AK9: variants seen among roughly 807,000 people sequenced by gnomAD.
AK9 encodes the protein adenylate kinase domain containing 1.
AK9 carries 191 observed loss-of-function variants against 239.6 expected under a neutral mutation model. The observed-to-expected ratio is 0.80, with a 90% confidence interval of 0.71 to 0.90. AK9 has a LOEUF of 0.90. AK9 is among the 40% of genes least tolerant of loss of function. The probability of loss-of-function intolerance (pLI) is 0.00; values close to 1 mark genes in which losing one functional copy is unlikely to be tolerated. For missense variants in AK9, 1,995 were observed against 2,214.7 expected (o/e 0.90, Z 1.99); for synonymous variants, 689 against 721.0 (o/e 0.96, Z 0.71).
chr6:109,520,467 CAT>C (rs1779731252), intron 29 of AK9, among the ~76,000 whole-genome samples: 1 of 151,860 alleles, frequency 6.6e-6, no homozygotes, highest in Non-Finnish European at 1.5e-5. Context: ...TATTCTGTTC[CAT>C]TGGTCTATGT....
intron 1 of AK9, among the ~76,000 whole-genome samples, chr6:109,690,889 C>T (rs1397684758): frequency 6.6e-6 from 1 of 152,124 alleles, no homozygotes; most frequent in East Asian, 1.9e-4. Context: ...TTGGGCCACA[C>T]AGCGTAGGTA....
At position 109,632,062 on chromosome 6, in the gene AK9, C is replaced by A. The variant is rs931850694; in HGVS notation, c.1254+861G>T. On this transcript the variant is annotated intron_variant, in intron 12 of 40. Coordinates refer to ENST00000424296, the MANE Select transcript of AK9 (RefSeq NM_001145128.3). ...GGTATTGAGAAGAAACATGAGAGGG[C>A]GTCTGGGTGCTGGCAACATTCCAGA... 10 of 691,194 alleles carry A rather than the reference C, an allele frequency of 1.4e-5. No homozygotes were observed. In the African/African-American group the frequency reaches 2.0e-4, roughly 14 times the overall value. The allele number at this position is 691,194 out of a possible 1,614,324, so 42.8% of individuals were successfully genotyped here.
At chr6:109,626,702 A>AC (rs754146400) in intron 12 of AK9, among the ~76,000 whole-genome samples, 11 of 152,218 alleles carry the variant, frequency 7.2e-5, no homozygotes, top group South Asian at 2.1e-4. Context: ...ACACAATGTT[A>AC]AGGATTTGTA....
chr6:109,682,104 A>G (rs1772727578), intron 1 of AK9, among the ~76,000 whole-genome samples: 1 of 152,160 alleles, frequency 6.6e-6, no homozygotes, highest in African/African-American at 2.4e-5. Flanking sequence ...GAACTGAAAG[A>G]GATAGAGACA....
At chr6:109,551,045 AAAAT>A (rs1472893402) in intron 24 of AK9, among the ~76,000 whole-genome samples, 1 of 152,166 alleles carries the variant, frequency 6.6e-6, no homozygotes, top group Non-Finnish European at 1.5e-5. Context: ...TATGCCTATA[AAAAT>A]AGATATATAT....
At chr6:109,509,498 TCC>T in intron 32 of AK9, 118 bp from the exon 33 acceptor site, 1 of 887,392 alleles carries the variant, frequency 1.1e-6, no homozygotes, top group Non-Finnish European at 1.7e-6. Flanking sequence ...AATGATCCTG[TCC>T]CCCAAGTAGC....
At chr6:109,566,223 G>C (rs1172076994) in intron 21 of AK9, among the ~76,000 whole-genome samples, 1 of 152,136 alleles carries the variant, frequency 6.6e-6, no homozygotes, top group Non-Finnish European at 1.5e-5. Flanking sequence ...AGAAGTCTAA[G>C]TGAAAAGTAC....
chr6:109,588,621 C>A (rs958409941), intron 17 of AK9, among the ~76,000 whole-genome samples: 4 of 152,082 alleles, frequency 2.6e-5, no homozygotes, highest in Non-Finnish European at 4.4e-5. Flanking sequence ...TTTGTTTTTG[C>A]TGCATTTCCT....
intron 8 of AK9, among the ~76,000 whole-genome samples, chr6:109,651,527 A>T (rs2128304099): frequency 6.6e-6 from 1 of 152,348 alleles, no homozygotes. Context: ...GCAAGAGCAA[A>T]CAAATTCAAA....
At chr6:109,594,013 A>C (rs1045844199) in intron 17 of AK9, among the ~76,000 whole-genome samples, 1 of 152,228 alleles carries the variant, frequency 6.6e-6, no homozygotes, top group African/African-American at 2.4e-5. Context: ...AGTTCTGGCC[A>C]GGAAAATCAG....
At position 109,631,632 on chromosome 6, in the gene AK9, C is replaced by A. The variant is rs565525423; in HGVS notation, c.1254+1291G>T. ...GGAAAACAATTTGGCATTATCTACA[C>A]AAGTTGAACATATGTCCATGTGTGC... is the stretch of plus-strand genomic sequence containing the variant. On this transcript the variant is annotated intron_variant, in intron 12 of 40. Coordinates refer to ENST00000424296, the MANE Select transcript of AK9 (RefSeq NM_001145128.3). 9 of 152,248 alleles carry A rather than the reference C, an allele frequency of 5.9e-5. No homozygotes were observed. In the East Asian group the frequency reaches 1.7e-3, roughly 29 times the overall value. The allele number at this position is 152,248 out of a possible 1,614,324, so 9.4% of individuals were successfully genotyped here.
At position 109,506,504 on chromosome 6, in the gene AK9, T is replaced by C. The variant is rs185060425; in HGVS notation, c.4672A>G (p.Asn1558Asp). ...LHNSAQIVAV[N>D]NVKYRKNIGE... Reference sequence around the variant, plus strand: ...ATATTTTTGCGATACTTTACATTATTGACAGCTACAATTTGTGCACTATTG... The same window carrying C: ...ATATTTTTGCGATACTTTACATTATCGACAGCTACAATTTGTGCACTATTG... Residue 1558 changes from asparagine (N) to aspartate (D), a missense_variant, in exon 35 of 41, where the codon AAT becomes GAT. Transcript: ENST00000424296. 1.4e-4 allele frequency: 218 copies of C among 1,608,518 alleles called. No individual in the cohort carries two copies. The highest frequency in any genetic ancestry group is 8.5e-6 in the Non-Finnish European group (10 of 1,176,516).
At chr6:109,674,514 C>T (rs1321762396) in intron 2 of AK9, among the ~76,000 whole-genome samples, 1 of 152,112 alleles carries the variant, frequency 6.6e-6, no homozygotes, top group African/African-American at 2.4e-5. Context: ...AATCAAGAAG[C>T]TATACCATTA....
chr6:109,568,712 C>T (rs1235753664), intron 21 of AK9, among the ~76,000 whole-genome samples: 1 of 151,960 alleles, frequency 6.6e-6, no homozygotes, highest in African/African-American at 2.4e-5. Context: ...CCTAGGAATC[C>T]AACTTACAAG....
chr6:109,598,718 C>A (rs537386406), intron 17 of AK9, among the ~76,000 whole-genome samples: 133 of 152,336 alleles, frequency 8.7e-4, no homozygotes, highest in African/African-American at 2.9e-3. Flanking sequence ...TATTTCTCCA[C>A]ATCCTCTCCA....
In AK9 at chr6:109,499,336, A is replaced by G. The variant is rs557517323; in HGVS notation, c.4850-96T>C. On this transcript the variant is annotated intron_variant, in intron 35 of 40. Coordinates refer to ENST00000424296, the MANE Select transcript of AK9 (RefSeq NM_001145128.3). ...AATAATTTTAATTACACAGCACTAT[A>G]CATACACATTATAAAATTCCAAACA... is the stretch of plus-strand genomic sequence containing the variant. The G allele has an allele frequency of 1.1e-4, 101 of 911,840 alleles. No homozygotes were observed. In the African/African-American group the frequency reaches 1.6e-3, roughly 15 times the overall value. The allele number at this position is 911,840 out of a possible 1,614,324, so 56.5% of individuals were successfully genotyped here. A position where few individuals can be genotyped will look rare whatever the true frequency, so the allele number is the denominator to read the frequency against.
chr6:109,527,557 C>A (rs1433625910), intron 29 of AK9: 1 of 152,048 alleles, frequency 6.6e-6, no homozygotes, highest in African/African-American at 2.4e-5. Context: ...ATTTTGTCTA[C>A]TTTATTGTCT....
At chr6:109,500,183 CAA>C (rs1369974756) in intron 35 of AK9, among the ~76,000 whole-genome samples, 1 of 152,210 alleles carries the variant, frequency 6.6e-6, no homozygotes, top group East Asian at 1.9e-4. Flanking sequence ...GTTACTCACA[CAA>C]AGTTCTCCCT....
Position 109,506,409 on chromosome 6 carries a change from T to G in AK9, c.4767A>C (p.Lys1589Asn). ...TAATGACTTCATTCCATACCCACCA[T>G]TTGCTGTGAAATCCATCAATCACAT... ...NWYVIDGFHS[K>N]WWVWNEVIKN... The change falls in exon 35 of 41, where the codon AAA (lysine) becomes AAC (asparagine). Residue 1589 changes from lysine to asparagine, a missense_variant. Coordinates refer to ENST00000424296, the MANE Select transcript of AK9 (RefSeq NM_001145128.3). The G allele has an allele frequency of 6.2e-7, 1 of 1,613,860 alleles. No individual in the cohort carries two copies. Among genetic ancestry groups the G allele is most frequent in the Non-Finnish European group, 8.5e-7 (1 of 1,179,940 alleles).
Sources: gnomAD v4.1 joint callset for allele counts (sites outside exome capture counted in the v4.1 genomes callset) on GRCh38, gnomAD v4.1.1 for gene constraint, MANE v1.5 for transcripts, NCBI Gene and HGNC (gene_info 2026-07-23, HGNC 2026-07-21) for gene names.